CDKN2B-AS1: variants seen among roughly 807,000 people sequenced by gnomAD.
CDKN2B-AS1 encodes CDKN2B antisense RNA 1 (non-protein coding).
intron 4 of CDKN2B-AS1, among the ~76,000 whole-genome samples, chr9:22,060,525 T>C (rs1463574931): frequency 1.3e-5 from 2 of 152,212 alleles, no homozygotes; most frequent in Non-Finnish European, 2.9e-5. Context: ...TTCTAAGCAT[T>C]CCCACATTTT....
chr9:22,070,376 C>G (rs1824240724), intron 4 of CDKN2B-AS1, among the ~76,000 whole-genome samples: 1 of 151,956 alleles, frequency 6.6e-6, no homozygotes, highest in Non-Finnish European at 1.5e-5. Context: ...AGTTTTTTCC[C>G]TCCAAATGTC....
At chr9:22,073,093 A>G (rs1488253225) in intron 4 of CDKN2B-AS1, among the ~76,000 whole-genome samples, 2 of 152,148 alleles carry the variant, frequency 1.3e-5, no homozygotes, top group Non-Finnish European at 2.9e-5. Flanking sequence ...ATATTAAAAT[A>G]TTATTTTCTC....
intron 4 of CDKN2B-AS1, among the ~76,000 whole-genome samples, chr9:22,079,284 G>A (rs368398952): frequency 6.6e-6 from 1 of 152,130 alleles, no homozygotes; most frequent in East Asian, 1.9e-4. Flanking sequence ...AGGAGTTCGA[G>A]ACCAGCCTGG....
At chr9:22,062,508 C>A (rs1301699983) in intron 4 of CDKN2B-AS1, among the ~76,000 whole-genome samples, 2 of 152,170 alleles carry the variant, frequency 1.3e-5, no homozygotes, top group African/African-American at 4.8e-5. Flanking sequence ...AGAGCCAGGG[C>A]TGTGGGCTGT....
chr9:22,087,305 T>G (rs916220472), intron 4 of CDKN2B-AS1, among the ~76,000 whole-genome samples: 4 of 152,218 alleles, frequency 2.6e-5, no homozygotes, highest in African/African-American at 9.6e-5. Flanking sequence ...GGAAGCCATC[T>G]TCAGACCATG....
rs1820915917 is a variant in CDKN2B-AS1 at position 22,001,461 on chromosome 9, T to C, written n.29+6300T>C. On this transcript the variant is annotated intron_variant and non_coding_transcript_variant, in intron 1 of 4. Coordinates refer to ENST00000650946, the Ensembl canonical transcript of CDKN2B-AS1. This position sits in a 1 kb window ranked among gnomAD's most constrained non-coding sequence, Gnocchi z 4.2. ...GTTCTTAGTTCTTTTTCCAGCAAAC[T>C]CTTTTGTTTTACATTTAGTTCACAC... Among the ~76,000 whole-genome samples the C allele has an allele frequency of 6.6e-6, 1 of 152,164 alleles. No individual in the cohort carries two copies. Among genetic ancestry groups the C allele is most frequent in the African/African-American group, 2.4e-5 (1 of 41,472 alleles).
At chr9:22,099,456 C>G (rs1230389977) in intron 4 of CDKN2B-AS1, among the ~76,000 whole-genome samples, 2 of 152,156 alleles carry the variant, frequency 1.3e-5, no homozygotes, top group Non-Finnish European at 1.5e-5. Flanking sequence ...GTTTGGGAGA[C>G]TGTTCTAATT....
At chr9:22,095,542 T>C (rs1825244027) in intron 4 of CDKN2B-AS1, among the ~76,000 whole-genome samples, 1 of 150,938 alleles carries the variant, frequency 6.6e-6, no homozygotes. Flanking sequence ...TGCAGTGTGG[T>C]TCTGAGAAGA....
chr9:22,071,285 C>CTT (rs71336509), intron 4 of CDKN2B-AS1, among the ~76,000 whole-genome samples: 846 of 67,532 alleles, frequency 0.013, 77 homozygotes, highest in Non-Finnish European at 0.016. Context: ...AAATATCTAG[C>CTT]TTTTTTTTTT....
intron 4 of CDKN2B-AS1, among the ~76,000 whole-genome samples, chr9:22,079,506 TAAAAAA>T (rs74958544): frequency 1.0e-5 from 1 of 98,830 alleles, no homozygotes. Context: ...AAACACCATC[TAAAAAA>T]AAAAAAAAAA....
At chr9:22,121,024 T>C (rs568340316) in intron 4 of CDKN2B-AS1, 2 of 152,264 alleles carry the variant, frequency 1.3e-5, no homozygotes, top group South Asian at 4.1e-4. Context: ...AGTCTAACCT[T>C]AGAGTAATGA....
intron 4 of CDKN2B-AS1, among the ~76,000 whole-genome samples, chr9:22,115,787 A>G (rs746372555): frequency 6.3e-4 from 96 of 152,268 alleles, no homozygotes; most frequent in Non-Finnish European, 1.1e-3. Flanking sequence ...GTGCTGGAGG[A>G]CATATTTTAT....
At chr9:22,012,353 C>A (rs1330129208) in intron 1 of CDKN2B-AS1, 16 of 1,187,830 alleles carry the variant, frequency 1.3e-5, no homozygotes, top group Non-Finnish European at 2.0e-5. Context: ...ACAGCCCACC[C>A]CGCACCTGGT....
chr9:22,085,888 T>C (rs933130213), intron 4 of CDKN2B-AS1, among the ~76,000 whole-genome samples: 1 of 151,860 alleles, frequency 6.6e-6, no homozygotes, highest in African/African-American at 2.4e-5. Flanking sequence ...TGTTTTTCTA[T>C]TTCTTTGCAT....
chr9:22,127,726 C>T (rs1818038446), exon 5 of CDKN2B-AS1, among the ~76,000 whole-genome samples: 2 of 152,112 alleles, frequency 1.3e-5, no homozygotes, highest in Non-Finnish European at 2.9e-5. Context: ...AGGATGATTA[C>T]TAGAAGGGAA....
intron 4 of CDKN2B-AS1, among the ~76,000 whole-genome samples, chr9:22,069,180 C>T (rs1824186779): frequency 6.6e-6 from 1 of 152,068 alleles, no homozygotes. Flanking sequence ...ATTCCTGGGC[C>T]CCTGTCTTGC....
rs561689692 is a variant in CDKN2B-AS1 at position 22,098,362 on chromosome 9, G to A, written n.439-28741G>A. Among the ~76,000 whole-genome samples, 86 of 150,484 alleles carry A rather than the reference G, an allele frequency of 5.7e-4. 2 individuals are homozygous for A. The highest frequency in any genetic ancestry group is 1.0e-3 in the Non-Finnish European group (68 of 67,794). On this transcript the variant is annotated intron_variant and non_coding_transcript_variant, in intron 4 of 4. Coordinates refer to ENST00000650946, the Ensembl canonical transcript of CDKN2B-AS1. ...GCATTTATTTTAAAAAGAAAACACA[G>A]GAATATCTAAAAGAAACTATTACTT...
chr9:22,039,242 CAG>C lies in CDKN2B-AS1; in HGVS notation n.30-7508_30-7507del, dbSNP rs1307831031. Among the ~76,000 whole-genome samples the C allele has an allele frequency of 2.6e-5, 4 of 151,946 alleles. 1 individual carries two copies. Among genetic ancestry groups the C allele is most frequent in the African/African-American group, 9.7e-5 (4 of 41,406 alleles). On this transcript the variant is annotated intron_variant and non_coding_transcript_variant, in intron 1 of 4. Coordinates refer to ENST00000650946, the Ensembl canonical transcript of CDKN2B-AS1. This position sits in a 1 kb window ranked among gnomAD's most constrained non-coding sequence, Gnocchi z 4.4. Reference sequence around the variant, plus strand: ...GAACTAGAATCATTAATATCTCAGTCAGGGGAAGCCATGTCAACTTACTGGTT... The same window carrying C: ...GAACTAGAATCATTAATATCTCAGTCGGGAAGCCATGTCAACTTACTGGTT...
At chr9:22,066,763 G>A (rs1308097362) in intron 4 of CDKN2B-AS1, among the ~76,000 whole-genome samples, 1 of 151,994 alleles carries the variant, frequency 6.6e-6, no homozygotes. Flanking sequence ...TGGAAAAGCA[G>A]CGTTACTAAG....
Sources: allele counts gnomAD v4.1 joint callset (sites outside exome capture counted in the v4.1 genomes callset), GRCh38; gene constraint gnomAD v4.1.1; non-coding constraint Gnocchi (gnomAD v3.1); transcripts MANE v1.5; gene names NCBI Gene and HGNC (gene_info 2026-07-23, HGNC 2026-07-21).